Variants in MAPDA observed in about 807,000 individuals in gnomAD.
The protein encoded by MAPDA is N6,N6-dimethyl-AMP deaminase.
chr15:43,330,567 G>A, the MAPDA span: 4 of 1,456,718 alleles, frequency 2.7e-6, no homozygotes, highest in East Asian at 7.5e-5. Flanking sequence ...CACGGACCTC[G>A]GTAGGGGGAA....
the MAPDA span, chr15:43,334,906 T>G: frequency 1.7e-5 from 8 of 480,030 alleles, no homozygotes; most frequent in African/African-American, 1.6e-4. Context: ...CCTGTTTCTT[T>G]GCTTTTACAT....
At chr15:43,338,340 G>T in the MAPDA span, among the ~76,000 whole-genome samples, 7 of 152,120 alleles carry the variant, frequency 4.6e-5, no homozygotes, top group African/African-American at 1.7e-4. Flanking sequence ...AGGTGACCTG[G>T]GTATAATCTC....
the MAPDA span, chr15:43,349,491 C>A: frequency 2.7e-6 from 1 of 364,838 alleles, no homozygotes; most frequent in Non-Finnish European, 3.8e-6. Flanking sequence ...GTTGTCATTG[C>A]TGTCGATAGA....
At chr15:43,349,896 G>C in the MAPDA span, among the ~76,000 whole-genome samples, 3 of 152,200 alleles carry the variant, frequency 2.0e-5, no homozygotes, top group Non-Finnish European at 4.4e-5. Context: ...GCCTAGCTCT[G>C]CTCCCAACAG....
At chr15:43,348,462 A>T in the MAPDA span, among the ~76,000 whole-genome samples, 2 of 152,256 alleles carry the variant, frequency 1.3e-5, no homozygotes, top group East Asian at 3.8e-4. Flanking sequence ...TTTGCTCCCC[A>T]GAGTTAATAC....
At chr15:43,336,676 A>C in the MAPDA span, 1 of 1,553,928 alleles carries the variant, frequency 6.4e-7, no homozygotes, top group Admixed American at 2.2e-5. Context: ...AGCCCTGAAG[A>C]TATTCTAATG....
chr15:43,341,290 C>T, the MAPDA span, among the ~76,000 whole-genome samples: 4 of 152,080 alleles, frequency 2.6e-5, no homozygotes, highest in Admixed American at 1.3e-4. Flanking sequence ...ATCAGTTCCA[C>T]GTTGTACTGG....
chr15:43,346,964 C>T, the MAPDA span: 2 of 1,432,898 alleles, frequency 1.4e-6, no homozygotes, highest in African/African-American at 2.8e-5. Context: ...TACTCAGTTC[C>T]TCAGTTTTCC....
the MAPDA span, chr15:43,351,918 C>T: frequency 6.4e-7 from 1 of 1,551,326 alleles, no homozygotes; most frequent in Non-Finnish European, 8.7e-7. Context: ...AATGGAATCA[C>T]CTGAAGCCCA....
At chr15:43,335,888 A>C in the MAPDA span, 39 of 1,564,838 alleles carry the variant, frequency 2.5e-5, no homozygotes, top group Middle Eastern at 8.5e-4. Context: ...TGAGATTGTA[A>C]GTAGTATGTA....
At chr15:43,349,083 T>G in the MAPDA span, 1 of 1,613,820 alleles carries the variant, frequency 6.2e-7, no homozygotes, top group South Asian at 1.1e-5. Flanking sequence ...GATGACTCTC[T>G]GTCTCTCCCC....
chr15:43,336,736 T>G, the MAPDA span: 2 of 1,421,848 alleles, frequency 1.4e-6, no homozygotes, highest in Non-Finnish European at 1.9e-6. Context: ...TGAAGTAATT[T>G]CCTTCCATTA....
the MAPDA span, chr15:43,354,555 TATG>T: frequency 1.1e-4 from 16 of 152,172 alleles, no homozygotes. Flanking sequence ...TATTGAAGTG[TATG>T]ATTTTAATTT....
chr15:43,351,933 GTT>G, the MAPDA span: 6 of 1,550,378 alleles, frequency 3.9e-6, no homozygotes, highest in East Asian at 1.2e-4. Flanking sequence ...AGCCCAGAGT[GTT>G]ACATATTTAA....
chr15:43,333,794 A>G, the MAPDA span, among the ~76,000 whole-genome samples: 2 of 152,252 alleles, frequency 1.3e-5, no homozygotes, highest in African/African-American at 4.8e-5. Flanking sequence ...TTCCAAATAC[A>G]TGGAAACTGT....
the MAPDA span, chr15:43,345,860 G>T: frequency 6.2e-7 from 1 of 1,614,152 alleles, no homozygotes; most frequent in Non-Finnish European, 8.5e-7. Flanking sequence ...AAAGGTATTT[G>T]ATAGCAGTTG....
At chr15:43,335,261 G>T in the MAPDA span, 1 of 1,368,374 alleles carries the variant, frequency 7.3e-7, no homozygotes, top group Non-Finnish European at 1.0e-6. Context: ...TTGGCTGGGC[G>T]CAGTGGCTCA....
At chr15:43,347,572 A>G in the MAPDA span, among the ~76,000 whole-genome samples, 71,014 of 152,098 alleles carry the variant, frequency 0.47, 21,581 homozygotes, top group African/African-American at 0.87. Flanking sequence ...TGAACGTAGT[A>G]ACAGATAATT....
the MAPDA span, chr15:43,335,766 A>G: frequency 6.2e-7 from 1 of 1,614,102 alleles, no homozygotes; most frequent in South Asian, 1.1e-5. Context: ...CAGAAGCCAG[A>G]TCTTAAAATC....
Sources: allele counts gnomAD v4.1 joint callset (sites outside exome capture counted in the v4.1 genomes callset), GRCh38; gene constraint gnomAD v4.1.1; transcripts MANE v1.5; gene names NCBI Gene and HGNC (gene_info 2026-07-23, HGNC 2026-07-21).